The following ZNF318 variants were observed in gnomAD, a reference collection of about 807,000 sequenced individuals.
ZNF318 encodes zinc finger protein 318, also known as endocrine regulator.
ZNF318 carries 51 observed loss-of-function variants against 124.2 expected under a neutral mutation model. The ratio of observed to expected loss-of-function variants is 0.41; its 90% CI spans 0.33 to 0.52. The LOEUF (loss-of-function observed/expected upper bound fraction) is 0.52, where lower values mean the gene tolerates loss of function less well. Ranked by LOEUF, ZNF318 falls within the 20% of genes least tolerant of loss-of-function variation. ZNF318 has a pLI of 0.23. For synonymous variants in ZNF318, 1,090 were observed against 1,040.7 expected (o/e 1.05, Z -0.91); for missense variants, 2,815 against 2,811.2 (o/e 1.00, Z -0.03).
rs775227293 is a variant in ZNF318 at position 43,357,737 on chromosome 6, T to G, written c.577A>C (p.Thr193Pro). ...CCCCGAGAGCACTGGGAGCTTCGAG[T>G]GAAGACAGAATCATCAGTCAGGTCA... is the stretch of plus-strand genomic sequence containing the variant. Reference protein sequence around the residue: ...RDDLTDDSVFTRSSQCSRGLE... With the variant: ...RDDLTDDSVFPRSSQCSRGLE... The change falls in exon 3 of 10, where the codon ACT becomes CCT. Residue 193 changes from threonine (T) to proline (P), a missense_variant. By Grantham distance (38) the Thr-to-Pro change is conservative. Coordinates refer to ENST00000361428, the MANE Select transcript of ZNF318 (RefSeq NM_014345.3). 8 of 1,599,352 alleles carry G rather than the reference T, an allele frequency of 5.0e-6. No homozygotes were observed. In the South Asian group the frequency reaches 8.8e-5, roughly 18 times the overall value.
Position 43,338,233 on chromosome 6 carries a change from T to C in ZNF318, c.5765A>G (p.Glu1922Gly). The change falls in exon 10 of 10, where the codon GAG (glutamate) becomes GGG (glycine). Residue 1922 changes from glutamate to glycine, a missense_variant. Physicochemically the swap from Glu to Gly is moderately conservative, Grantham distance 98. Transcript: ENST00000361428. The stretch of plus-strand genomic sequence containing the variant: ...AGAAGCTGATTCTGGAGCTGAATTC[T>C]CTAGCCCCTCCTCACTAACAACTGA... ...GVSVVSEEGL[E>G]NSAPESASRT... 1 of 1,614,208 alleles carries C rather than the reference T, an allele frequency of 6.2e-7. No homozygotes were observed. The highest frequency in any genetic ancestry group is 8.5e-7 in the Non-Finnish European group (1 of 1,180,050).
At chr6:43,364,593 G>C (rs1779734807) in intron 2 of ZNF318, among the ~76,000 whole-genome samples, 1 of 152,308 alleles carries the variant, frequency 6.6e-6, no homozygotes, top group Non-Finnish European at 1.5e-5. Flanking sequence ...TCTCAGCTCT[G>C]AGAAAGAGTG....
At position 43,360,493 on chromosome 6, in the gene ZNF318, A is replaced by G. The variant is rs147315697; in HGVS notation, c.549-2728T>C. On this transcript the variant is annotated intron_variant, in intron 2 of 9. Transcript: ENST00000361428. ...TCAACTGTTTTCTAAAATAAAGTCT[A>G]TCTATTTAAAAAAACTGATTGTTGG... Among the ~76,000 whole-genome samples, 5 of 152,306 alleles carry G rather than the reference A, an allele frequency of 3.3e-5. No homozygotes were observed. In the East Asian group the frequency reaches 7.7e-4, roughly 23 times the overall value.
intron 2 of ZNF318, among the ~76,000 whole-genome samples, chr6:43,359,264 A>T (rs1779650192): frequency 2.0e-5 from 3 of 152,132 alleles, no homozygotes; most frequent in African/African-American, 7.2e-5. Context: ...GGTTTGGTTC[A>T]CCATATATTT....
Position 43,352,478 on chromosome 6 carries a change from T to G in ZNF318, c.2671-2A>C, listed in dbSNP as rs1330956818. On this transcript the variant is annotated splice_acceptor_variant, in intron 4 of 9. Coordinates refer to ENST00000361428, the MANE Select transcript of ZNF318 (RefSeq NM_014345.3). LOFTEE classifies it high-confidence loss of function. ...TAGTTTTTCCCTCTCTTCAATAACC[T>G]GCAAAATACAAAGTGGTAAGAGAGT... is the stretch of plus-strand genomic sequence containing the variant. 1 of 1,613,338 alleles carries G rather than the reference T, an allele frequency of 6.2e-7. No homozygotes were observed. The highest frequency in any genetic ancestry group is 1.7e-5 in the Admixed American group (1 of 60,014).
chr6:43,348,517 C>T lies in ZNF318; in HGVS notation c.2879G>A (p.Arg960Gln). 1 of 1,614,112 alleles carries T rather than the reference C, an allele frequency of 6.2e-7. No homozygotes were observed. The highest frequency in any genetic ancestry group is 2.2e-5 in the East Asian group (1 of 44,882). ...CTTTTCTGCCTCTTCTGCCTCTTGC[C>T]GTAGCTCTGCAATGTCCTTCATAAT... ...DNIMKDIAEL[R>Q]QEAEEAEKKQ... The change falls in exon 6 of 10, where the codon CGG (arginine) becomes CAG (glutamine). Residue 960 changes from arginine to glutamine, a missense_variant. Arg to Gln is a conservative substitution (Grantham distance 43). This residue lies in a region of ZNF318 where 1,377 missense variants were observed against 1,353.5 expected (regional missense o/e 1.02). Transcript: ENST00000361428.
At chr6:43,368,000 G>C (rs966426421) in intron 1 of ZNF318, among the ~76,000 whole-genome samples, 1 of 152,164 alleles carries the variant, frequency 6.6e-6, no homozygotes, top group African/African-American at 2.4e-5. Context: ...ACTCCAGCCT[G>C]GGGAACAGAG....
chr6:43,355,660 A>G lies in ZNF318; in HGVS notation c.1674T>C (p.Ser558=). 1 of 1,614,204 alleles carries G rather than the reference A, an allele frequency of 6.2e-7. No homozygotes were observed. The highest frequency in any genetic ancestry group is 8.5e-7 in the Non-Finnish European group (1 of 1,180,040). Residue 558 remains serine, a synonymous_variant, in exon 4 of 10, where the codon TCT becomes TCC. Transcript: ENST00000361428. ...AESVPKPLGS[S]ESEVMRQKAS... ...CCTTCTGCCTCATAACTTCACTCTC[A>G]GAGCTCCCAAGGGGCTTTGGTACGG...
chr6:43,367,265 T>C (rs9394949), intron 1 of ZNF318, among the ~76,000 whole-genome samples: 70,566 of 152,146 alleles, frequency 0.46, 19,400 homozygotes, highest in East Asian at 0.66. Flanking sequence ...TCTATAAGGA[T>C]AGGAGTTTTT....
chr6:43,353,103 G>A (rs1386828335), intron 4 of ZNF318, among the ~76,000 whole-genome samples: 2 of 152,004 alleles, frequency 1.3e-5, no homozygotes, highest in East Asian at 1.9e-4. Context: ...GTCTATAATA[G>A]ACCTATGTAT....
In ZNF318 at chr6:43,369,414, T is replaced by C. The variant is rs1255484409; in HGVS notation, c.-49A>G. ...CGACAGCTCTGACCCGGGGGCGCCC[T>C]AGACGCAGGCTCGGAGCGCGCCGCC... On this transcript the variant is annotated 5_prime_UTR_variant, in exon 1 of 10. Coordinates refer to ENST00000361428, the MANE Select transcript of ZNF318 (RefSeq NM_014345.3). 5.1e-5 allele frequency: 60 copies of C among 1,166,164 alleles called. No homozygotes were observed. Among genetic ancestry groups the C allele is most frequent in the Non-Finnish European group, 6.2e-5 (59 of 945,116 alleles). 72.2% of individuals were successfully genotyped at this position (1,166,164 alleles called of 1,614,324 possible). A position where few individuals can be genotyped will look rare whatever the true frequency, so the allele number is the denominator to read the frequency against.
chr6:43,364,026 C>G, intron 2 of ZNF318: 1 of 774,618 alleles, frequency 1.3e-6, no homozygotes, highest in Non-Finnish European at 2.2e-6. Flanking sequence ...GCACTGGCAT[C>G]GTCTCAGCCC....
At chr6:43,364,246 C>A in intron 2 of ZNF318, 1 of 622,856 alleles carries the variant, frequency 1.6e-6, no homozygotes, top group Non-Finnish European at 2.8e-6. Context: ...AGACACACAC[C>A]AGAGTCTCTG....
chr6:43,357,283 C>G lies in ZNF318; in HGVS notation c.1031G>C (p.Gly344Ala). 6.2e-7 allele frequency: 1 copy of G among 1,614,214 alleles called. No homozygotes were observed. Among genetic ancestry groups the G allele is most frequent in the Non-Finnish European group, 8.5e-7 (1 of 1,180,030 alleles). Residue 344 changes from glycine (G) to alanine (A), a missense_variant, in exon 3 of 10, where the codon GGT (glycine) becomes GCT (alanine). Physicochemically the swap from Gly to Ala is moderately conservative, Grantham distance 60. Around this residue, in one of 4 missense-constraint regions of ZNF318, gnomAD observed 1,377 missense variants for 1,353.5 expected, o/e 1.02. Transcript: ENST00000361428. ...AGGGATGGAACAGCCAGTACCACCA[C>G]CATCAACTCCAACCAGCTCCTGACT... ...SLSQELVGVD[G>A]GGTGCSIPGL...
In ZNF318 at chr6:43,340,776, C is replaced by T; in HGVS notation, c.3495+14G>A. ...GAAAAGTTGGAAACTCCACAGCCTACTACAAAGACCAACCTTGTATTTCTC... is the reference window on the plus strand; with the variant it reads ...GAAAAGTTGGAAACTCCACAGCCTATTACAAAGACCAACCTTGTATTTCTC... On this transcript the variant is annotated intron_variant, in intron 9 of 9. Transcript: ENST00000361428. 1 of 1,601,698 alleles carries T rather than the reference C, an allele frequency of 6.2e-7. No homozygotes were observed. Among genetic ancestry groups the T allele is most frequent in the Non-Finnish European group, 8.6e-7 (1 of 1,168,684 alleles).
Position 43,369,253 on chromosome 6 carries a change from C to T in ZNF318, c.113G>A (p.Arg38His). The T allele has an allele frequency of 7.9e-7, 1 of 1,259,198 alleles. No homozygotes were observed. The highest frequency in any genetic ancestry group is 1.0e-6 in the Non-Finnish European group (1 of 1,001,162). The allele number at this position is 1,259,198 out of a possible 1,614,324, so 78.0% of individuals were successfully genotyped here. Residue 38 changes from arginine (R) to histidine (H), a missense_variant, in exon 1 of 10, where the codon CGC becomes CAC. Physicochemically the swap from Arg to His is conservative, Grantham distance 29. This residue lies in a region of ZNF318 where 1,377 missense variants were observed against 1,353.5 expected (regional missense o/e 1.02). Transcript: ENST00000361428. ...SSGSSSGPAR[R>H]SSPPPPPSGS... is the part of the protein sequence containing the mutation. ...GGAGGGCGGAGGCGGCGGTGAGCTG[C>T]GGCGAGCCGGGCCTGAGGAGGAGCC...
rs1779599358 is a variant in ZNF318 at position 43,355,755 on chromosome 6, T to C, written c.1579A>G (p.Ser527Gly). 6.2e-7 allele frequency: 1 copy of C among 1,614,244 alleles called. No homozygotes were observed. The highest frequency in any genetic ancestry group is 8.5e-7 in the Non-Finnish European group (1 of 1,180,044). Residue 527 changes from serine (S) to glycine (G), a missense_variant, in exon 4 of 10, where the codon AGC (serine) becomes GGC (glycine). Physicochemically the swap from Ser to Gly is moderately conservative, Grantham distance 56 (BLOSUM62 0). Around this residue, in one of 4 missense-constraint regions of ZNF318, gnomAD observed 1,377 missense variants for 1,353.5 expected, o/e 1.02. Transcript: ENST00000361428. The part of the protein sequence containing the change: ...STSTQEKRRR[S>G]FPDIEDEEKF... ...TCCTCATCTTCAATGTCGGGAAAGC[T>C]ACGTCGCCTTTTTTCCTGTGTACTG...
chr6:43,351,527 G>A (rs1461767217), intron 5 of ZNF318, among the ~76,000 whole-genome samples: 3 of 152,080 alleles, frequency 2.0e-5, no homozygotes, highest in East Asian at 1.9e-4. Context: ...CTGGGAGGCC[G>A]AGGAAGGAGG....
chr6:43,369,528 G>T lies in ZNF318; in HGVS notation c.-163C>A. On this transcript the variant is annotated 5_prime_UTR_variant, in exon 1 of 10. Transcript: ENST00000361428. ...CCCTCGGCCCCGCGTCGCCCCGGGG[G>T]CCCGGCCGAGCGCGCCCCCGCGGCT... The T allele has an allele frequency of 2.8e-6, 1 of 357,820 alleles. No homozygotes were observed. Among genetic ancestry groups the T allele is most frequent in the Non-Finnish European group, 3.9e-6 (1 of 256,156 alleles). The allele number at this position is 357,820 out of a possible 1,614,324, so 22.2% of individuals were successfully genotyped here. A position where few individuals can be genotyped will look rare whatever the true frequency, so the allele number is the denominator to read the frequency against.
Sources: allele counts gnomAD v4.1 joint callset (sites outside exome capture counted in the v4.1 genomes callset), GRCh38; gene constraint gnomAD v4.1.1; regional missense constraint gnomAD v4.1.1; transcripts MANE v1.5; gene names NCBI Gene and HGNC (gene_info 2026-07-23, HGNC 2026-07-21).